The following TIAM1 variants were observed in gnomAD, a reference collection of about 807,000 sequenced individuals.
TIAM1 encodes TIAM Rac1 associated GEF 1.
TIAM1 carries 65 observed loss-of-function variants against 163.5 expected under a neutral mutation model. That is an observed-to-expected ratio of 0.40 (90% CI 0.33 to 0.49). The LOEUF is 0.49. TIAM1 is among the 20% of genes least tolerant of loss of function. TIAM1 has a pLI of 0.77. For synonymous variants in TIAM1, 833 were observed against 810.1 expected (o/e 1.03, Z -0.48); for missense variants, 1,789 against 2,044.7 (o/e 0.87, Z 2.41).
intron 1 of TIAM1, among the ~76,000 whole-genome samples, chr21:31,479,595 G>A (rs968002347): frequency 2.6e-5 from 4 of 152,108 alleles, no homozygotes; most frequent in Admixed American, 6.5e-5. Context: ...TGGAATTGGC[G>A]ATGATGGGAA....
At chr21:31,368,921 T>G (rs1197014303) in intron 2 of TIAM1, among the ~76,000 whole-genome samples, 1 of 152,106 alleles carries the variant, frequency 6.6e-6, no homozygotes, top group African/African-American at 2.4e-5. Flanking sequence ...CTTGGACTCT[T>G]AAGTAAAGAG....
chr21:31,407,880 G>A (rs1009429813), intron 2 of TIAM1, among the ~76,000 whole-genome samples: 1 of 151,878 alleles, frequency 6.6e-6, no homozygotes, highest in African/African-American at 2.4e-5. Context: ...TCAGGTGATC[G>A]GCCAGCCTCA....
chr21:31,209,763 A>C (rs1228219308), intron 11 of TIAM1, among the ~76,000 whole-genome samples: 1 of 152,222 alleles, frequency 6.6e-6, no homozygotes, highest in African/African-American at 2.4e-5. Flanking sequence ...AGATTTTCTA[A>C]AAGGTTTGCA....
intron 8 of TIAM1, among the ~76,000 whole-genome samples, chr21:31,218,453 T>A (rs368607116): frequency 6.6e-6 from 1 of 151,990 alleles, no homozygotes; most frequent in South Asian, 2.1e-4. Flanking sequence ...CCTGTAATCC[T>A]AGCTACTTGG....
At chr21:31,124,480 T>G in intron 27 of TIAM1, 42 bp downstream of exon 27, 2 of 1,608,036 alleles carry the variant, frequency 1.2e-6, no homozygotes, top group Non-Finnish European at 1.7e-6. Context: ...TACTGCGGAG[T>G]GGGGGTGACG....
rs144008997 is a variant in TIAM1, at chr21:31,368,431, A to C, written c.-368-29009T>G. Among the ~76,000 whole-genome samples, 29 of 152,354 alleles carry C rather than the reference A, an allele frequency of 1.9e-4. No homozygotes were observed. The East Asian group carries it at 5.6e-3, about 29-fold the overall frequency. On this transcript the variant is annotated intron_variant, in intron 2 of 28. Coordinates refer to the TIAM1 transcript ENST00000286827. Reference sequence around the variant, plus strand: ...CATTTGAGCTGGCTGAGCCACACGCATAACATTTTTAATTAGAGTGCCACA... The same window carrying C: ...CATTTGAGCTGGCTGAGCCACACGCCTAACATTTTTAATTAGAGTGCCACA...
intron 1 of TIAM1, among the ~76,000 whole-genome samples, chr21:31,505,870 G>A (rs142243750): frequency 6.6e-6 from 1 of 151,834 alleles, no homozygotes; most frequent in Non-Finnish European, 1.5e-5. Context: ...TTAGCCGGAC[G>A]TGGTGGCGGG....
chr21:31,421,661 TA>T (rs1340753695), intron 2 of TIAM1, among the ~76,000 whole-genome samples: 1 of 152,128 alleles, frequency 6.6e-6, no homozygotes, highest in Non-Finnish European at 1.5e-5. Flanking sequence ...TCCCTGGTGA[TA>T]AAAAGCTTGG....
At chr21:31,283,955 T>A (rs948132622) in intron 2 of TIAM1, among the ~76,000 whole-genome samples, 1 of 152,172 alleles carries the variant, frequency 6.6e-6, no homozygotes, top group Non-Finnish European at 1.5e-5. Flanking sequence ...CGCTCTTGGC[T>A]CCTAAATTCC....
chr21:31,487,590 G>A (rs547070068), intron 1 of TIAM1, among the ~76,000 whole-genome samples: 26 of 128,924 alleles, frequency 2.0e-4, no homozygotes, highest in East Asian at 4.3e-4. Context: ...TCGCTCTGTC[G>A]CCCAGGCCGG....
intron 2 of TIAM1, chr21:31,452,699 A>T (rs2044912589): frequency 9.0e-6 from 4 of 442,728 alleles, no homozygotes; most frequent in Non-Finnish European, 1.7e-5. Flanking sequence ...CATTTTCCAT[A>T]AGACTCAAAA....
chr21:31,446,536 G>A (rs1338925308), intron 2 of TIAM1, among the ~76,000 whole-genome samples: 1 of 152,212 alleles, frequency 6.6e-6, no homozygotes, highest in African/African-American at 2.4e-5. Context: ...CAAGGTCAGT[G>A]TTTATGGACA....
At chr21:31,294,201 C>T (rs1038366057) in intron 2 of TIAM1, among the ~76,000 whole-genome samples, 23 of 152,152 alleles carry the variant, frequency 1.5e-4, no homozygotes, top group African/African-American at 5.3e-4. Flanking sequence ...CAACAGCCTC[C>T]CACTCCCTGC....
chr21:31,413,017 T>C (rs1408155142), intron 2 of TIAM1, among the ~76,000 whole-genome samples: 2 of 152,042 alleles, frequency 1.3e-5, no homozygotes, highest in Non-Finnish European at 2.9e-5. Context: ...ACCCCTCCCC[T>C]AAAAGCCCTG....
Position 31,146,933 on chromosome 21 carries a change from C to A in TIAM1, c.3437G>T (p.Cys1146Phe). ...CTTGGGAACTTTTGTGTGGCTGGCG[C>A]AGAAGGCACTGTAGAGCTTGAAGCG... ...ADRFKLYSAF[C>F]ASHTKVPKVL... Residue 1146 changes from cysteine to phenylalanine, a missense_variant, in exon 20 of 28, where the codon TGC (cysteine) becomes TTC (phenylalanine). By Grantham distance (205) the Cys-to-Phe change is radical (BLOSUM62 -2). Transcript: ENST00000541036. 1 of 1,614,090 alleles carries A rather than the reference C, an allele frequency of 6.2e-7. No individual in the cohort carries two copies. The highest frequency in any genetic ancestry group is 8.5e-7 in the Non-Finnish European group (1 of 1,180,020).
At chr21:31,175,638 G>A (rs1295219550) in intron 15 of TIAM1, among the ~76,000 whole-genome samples, 3 of 151,672 alleles carry the variant, frequency 2.0e-5, no homozygotes, top group African/African-American at 4.8e-5. Flanking sequence ...TCCCTCTGTC[G>A]CCCAGGCTGG....
At chr21:31,332,557 A>G (rs905456660) in intron 2 of TIAM1, among the ~76,000 whole-genome samples, 2 of 152,074 alleles carry the variant, frequency 1.3e-5, no homozygotes, top group African/African-American at 4.8e-5. Flanking sequence ...TTAAACATAC[A>G]TGACTGAGCT....
intron 2 of TIAM1, among the ~76,000 whole-genome samples, chr21:31,324,362 A>T (rs528767439): frequency 6.0e-4 from 92 of 152,256 alleles, no homozygotes; most frequent in Middle Eastern, 3.4e-3. Flanking sequence ...CAAAAAAAAA[A>T]TTTTATTTGG....
intron 2 of TIAM1, among the ~76,000 whole-genome samples, chr21:31,386,591 G>A (rs1382691730): frequency 6.6e-6 from 1 of 152,150 alleles, no homozygotes; most frequent in Non-Finnish European, 1.5e-5. Flanking sequence ...TTCTCCCTGA[G>A]GGGACTACTT....
Sources: allele counts gnomAD v4.1 joint callset (sites outside exome capture counted in the v4.1 genomes callset), GRCh38; gene constraint gnomAD v4.1.1; transcripts MANE v1.5; gene names NCBI Gene and HGNC (gene_info 2026-07-23, HGNC 2026-07-21).